The following ABHD2 variants were observed in gnomAD, a reference collection of about 807,000 sequenced individuals.
ABHD2 encodes abhydrolase domain containing 2, acylglycerol lipase.
In ABHD2, 20 loss-of-function variants were observed where a neutral mutation model predicts 48.1. That is an observed-to-expected ratio of 0.42 (90% CI 0.29 to 0.60). The LOEUF (loss-of-function observed/expected upper bound fraction) is 0.60. Among genes scored for constraint, ABHD2 ranks in the 20% least tolerant of loss-of-function variants. The probability of loss-of-function intolerance (pLI) is 0.24; values close to 1 mark genes in which losing one functional copy is unlikely to be tolerated. For missense variants in ABHD2, 405 were observed against 550.9 expected (o/e 0.74, Z 2.65); for synonymous variants, 209 against 214.2 (o/e 0.98, Z 0.21).
chr15:89,127,722 C>CATATATATATAT (rs72455898), intron 3 of ABHD2, among the ~76,000 whole-genome samples: 13 of 133,120 alleles, frequency 9.8e-5, no homozygotes, highest in Non-Finnish European at 1.7e-4. Context: ...TATATATACA[C>CATATATATATAT]ATATATATAT....
intron 6 of ABHD2, among the ~76,000 whole-genome samples, chr15:89,183,985 G>A (rs530166300): frequency 6.6e-6 from 1 of 152,120 alleles, no homozygotes; most frequent in African/African-American, 2.4e-5. Context: ...TGCTTTAGCC[G>A]GGGTCCCTCA....
At position 89,155,462 on chromosome 15, in the gene ABHD2, C is replaced by A; in HGVS notation, c.466C>A (p.Arg156=). ...TGACTACGCCCAGAAAAATGGCTAT[C>A]GGTGCGCCGTGCTGAACCACCTGGG... ...FVDYAQKNGY[R]CAVLNHLGAL... Residue 156 remains arginine (R), a synonymous_variant, in exon 5 of 11, where the codon CGG becomes AGG. Coordinates refer to ENST00000352732, the MANE Select transcript of ABHD2 (RefSeq NM_152924.5). The surrounding 1 kb of genome is among the most constrained non-coding windows in gnomAD (Gnocchi z 4.9). The A allele has an allele frequency of 1.2e-6, 2 of 1,614,164 alleles. No individual in the cohort carries two copies. The highest frequency in any genetic ancestry group is 1.7e-6 in the Non-Finnish European group (2 of 1,180,024).
In ABHD2 at chr15:89,095,925, G is replaced by A. The variant is rs139969538; in HGVS notation, c.-107+7362G>A. Among the ~76,000 whole-genome samples, 12 of 152,304 alleles carry A rather than the reference G, an allele frequency of 7.9e-5. No homozygotes were observed. The East Asian group carries it at 1.7e-3, about 22-fold the overall frequency. Reference sequence around the variant, plus strand: ...CCCACGTCGTCTCAGTGCCTCCCCCGTTTGTATGTGAATTTCTGATGAATT... The same window carrying A: ...CCCACGTCGTCTCAGTGCCTCCCCCATTTGTATGTGAATTTCTGATGAATT... On this transcript the variant is annotated intron_variant, in intron 1 of 10. Coordinates refer to ENST00000352732, the MANE Select transcript of ABHD2 (RefSeq NM_152924.5).
chr15:89,180,944 A>G (rs895041497), intron 6 of ABHD2, among the ~76,000 whole-genome samples: 2 of 152,178 alleles, frequency 1.3e-5, no homozygotes, highest in Non-Finnish European at 1.5e-5. Flanking sequence ...AAAGTAGGGA[A>G]GGGCCGGGTG....
At chr15:89,187,496 C>T (rs2051229965) in intron 7 of ABHD2, among the ~76,000 whole-genome samples, 1 of 152,204 alleles carries the variant, frequency 6.6e-6, no homozygotes, top group African/African-American at 2.4e-5. Flanking sequence ...GGCCATGCCT[C>T]AACAAATTCA....
In ABHD2 at chr15:89,167,976, C is replaced by T. The variant is rs191911428; in HGVS notation, c.539-7836C>T. On this transcript the variant is annotated intron_variant, in intron 5 of 10. Transcript: ENST00000352732. The surrounding 1 kb of genome is among the most constrained non-coding windows in gnomAD (Gnocchi z 5.5). ...AGACGATTCAAACTTCCTTCTTATC[C>T]ACCTGACATTTTGTGGCATATCCAC... Among the ~76,000 whole-genome samples the T allele has an allele frequency of 2.0e-5, 3 of 152,326 alleles. No individual in the cohort carries two copies. Among genetic ancestry groups the T allele is most frequent in the African/African-American group, 7.2e-5 (3 of 41,568 alleles).
intron 5 of ABHD2, among the ~76,000 whole-genome samples, chr15:89,170,883 C>T (rs764229271): frequency 2.7e-4 from 41 of 152,104 alleles, no homozygotes; most frequent in Admixed American, 3.9e-4. Context: ...TTTGGGAGGC[C>T]GAGGGGGGCG....
chr15:89,064,441 G>T, the ABHD2 span, among the ~76,000 whole-genome samples: 3 of 151,892 alleles, frequency 2.0e-5, no homozygotes, highest in Non-Finnish European at 4.4e-5. Flanking sequence ...TGTTAGCCAG[G>T]ATGGTCTCGA....
rs934919060 is a variant in ABHD2, at chr15:89,088,924, G to T, written c.-107+361G>T. Among the ~76,000 whole-genome samples the T allele has an allele frequency of 6.6e-6, 1 of 152,236 alleles. No homozygotes were observed. ...TTCAGGCTCGGCGAAGAAGGTCCGGGATCCGCACCTGGAAGGAGAGGGCCG... is the reference window on the plus strand; with the variant it reads ...TTCAGGCTCGGCGAAGAAGGTCCGGTATCCGCACCTGGAAGGAGAGGGCCG... On this transcript the variant is annotated intron_variant, in intron 1 of 10. Coordinates refer to ENST00000352732, the MANE Select transcript of ABHD2 (RefSeq NM_152924.5). This position sits in a 1 kb window ranked among gnomAD's most constrained non-coding sequence, Gnocchi z 6.8.
intron 1 of ABHD2, among the ~76,000 whole-genome samples, chr15:89,096,806 C>T (rs562559118): frequency 6.6e-5 from 10 of 152,304 alleles, no homozygotes; most frequent in African/African-American, 1.7e-4. Context: ...CCCGTTTGTA[C>T]GTGCAGCCAA....
chr15:89,078,418 T>C, the ABHD2 span, among the ~76,000 whole-genome samples: 283 of 152,350 alleles, frequency 1.9e-3, 2 homozygotes, highest in African/African-American at 6.5e-3. Context: ...GCTTGGAAAC[T>C]GAGTCACACA....
At chr15:89,077,101 C>T in the ABHD2 span, among the ~76,000 whole-genome samples, 8 of 152,202 alleles carry the variant, frequency 5.3e-5, no homozygotes, top group African/African-American at 1.9e-4. Context: ...AACCACCACC[C>T]AGCTCAGGAA....
chr15:89,127,578 G>T (rs2050148330), intron 3 of ABHD2, among the ~76,000 whole-genome samples: 1 of 151,686 alleles, frequency 6.6e-6, no homozygotes, highest in East Asian at 1.9e-4. Context: ...ATTTCTTACT[G>T]ATGTAAAGTG....
rs1195082011 is a variant in ABHD2 at position 89,151,302 on chromosome 15, A to G, written c.195-375A>G. On this transcript the variant is annotated intron_variant, in intron 3 of 10. Coordinates refer to ENST00000352732, the MANE Select transcript of ABHD2 (RefSeq NM_152924.5). This position sits in a 1 kb window ranked among gnomAD's most constrained non-coding sequence, Gnocchi z 4.7. Reference sequence around the variant, plus strand: ...GTGAGTGTAGGCGCTATGCTATTTCATATACATCAGCTCCTTTAATAATGA... The same window carrying G: ...GTGAGTGTAGGCGCTATGCTATTTCGTATACATCAGCTCCTTTAATAATGA... Among the ~76,000 whole-genome samples, 1 of 152,214 alleles carries G rather than the reference A, an allele frequency of 6.6e-6. No homozygotes were observed. The highest frequency in any genetic ancestry group is 6.5e-5 in the Admixed American group (1 of 15,278).
intron 3 of ABHD2, among the ~76,000 whole-genome samples, chr15:89,125,064 T>G (rs1416874669): frequency 1.3e-5 from 2 of 149,050 alleles, no homozygotes; most frequent in African/African-American, 5.0e-5. Flanking sequence ...ACTCCAGCCT[T>G]GGGGACAAGA....
intron 5 of ABHD2, among the ~76,000 whole-genome samples, chr15:89,162,138 C>CG (rs2050771962): frequency 6.6e-6 from 1 of 152,050 alleles, no homozygotes; most frequent in Admixed American, 6.5e-5. Context: ...TCTGAGGTAC[C>CG]GGGGGTTACG....
At chr15:89,082,326 C>A in the ABHD2 span, among the ~76,000 whole-genome samples, 1 of 152,176 alleles carries the variant, frequency 6.6e-6, no homozygotes, top group Admixed American at 6.5e-5. The surrounding 1 kb of genome is among the most constrained non-coding windows in gnomAD (Gnocchi z 4.4). Context: ...TGCAACTATG[C>A]GAGGATATCC....
At position 89,168,783 on chromosome 15, in the gene ABHD2, G is replaced by C. The variant is rs1381605000; in HGVS notation, c.539-7029G>C. ...GAGTAATGATAGATGGGTCTAAAAG[G>C]AATCAAAGCTGGGTGCAGTGGCTCA... On this transcript the variant is annotated intron_variant, in intron 5 of 10. Coordinates refer to ENST00000352732, the MANE Select transcript of ABHD2 (RefSeq NM_152924.5). The surrounding 1 kb of genome is among the most constrained non-coding windows in gnomAD (Gnocchi z 4.8). Among the ~76,000 whole-genome samples the C allele has an allele frequency of 2.6e-5, 4 of 152,108 alleles. No homozygotes were observed. The highest frequency in any genetic ancestry group is 1.5e-5 in the Non-Finnish European group (1 of 68,008).
intron 3 of ABHD2, chr15:89,135,862 A>G (rs949671386): frequency 5.7e-6 from 4 of 704,192 alleles, no homozygotes; most frequent in Non-Finnish European, 1.0e-5. Flanking sequence ...ACAGAACAGA[A>G]CAGGACAGAA....
Sources: gnomAD v4.1 joint callset for allele counts (sites outside exome capture counted in the v4.1 genomes callset) on GRCh38, gnomAD v4.1.1 for gene constraint, Gnocchi (gnomAD v3.1) non-coding constraint, MANE v1.5 for transcripts, NCBI Gene and HGNC (gene_info 2026-07-23, HGNC 2026-07-21) for gene names.